The following ZFP64 variants were observed in gnomAD, a reference collection of about 807,000 sequenced individuals.
The protein encoded by ZFP64 is ZFP64 zinc finger protein.
In ZFP64, 14 loss-of-function variants were observed where a neutral mutation model predicts 51.6. The ratio of observed to expected loss-of-function variants is 0.27; its 90% CI spans 0.18 to 0.42. ZFP64 has a LOEUF of 0.42. Among genes scored for constraint, ZFP64 ranks in the 10% least tolerant of loss-of-function variants. ZFP64 has a pLI of 1.00. For missense variants in ZFP64, 754 were observed against 906.8 expected, an observed-to-expected ratio of 0.83 and a Z score of 2.16; for synonymous variants, 375 against 361.4, an observed-to-expected ratio of 1.04 and a Z score of -0.43.
At chr20:52,115,104 T>C (rs1978792549) in intron 5 of ZFP64, among the ~76,000 whole-genome samples, 1 of 149,222 alleles carries the variant, frequency 6.7e-6, no homozygotes, top group African/African-American at 2.5e-5. Flanking sequence ...ACTGGGAGGC[T>C]GAGGCAGGAG....
downstream of ZFP64, among the ~76,000 whole-genome samples, chr20:52,151,066 T>C (rs1304193922): frequency 6.6e-6 from 1 of 152,222 alleles, no homozygotes; most frequent in East Asian, 1.9e-4. Flanking sequence ...ATTGTCAGTC[T>C]GAAGTTTCAA....
At chr20:52,175,875 C>CAAAAA in intron 2 of ZFP64, 11 of 965,602 alleles carry the variant, frequency 1.1e-5, no homozygotes, top group Non-Finnish European at 1.4e-5. Flanking sequence ...CCCCCGCCCC[C>CAAAAA]AAAATAATTC....
intron 7 of ZFP64, among the ~76,000 whole-genome samples, chr20:52,091,699 T>C (rs2078928888): frequency 2.0e-5 from 3 of 151,552 alleles, no homozygotes; most frequent in Admixed American, 6.6e-5. Context: ...TCAAAACCTA[T>C]GGCCGTGGCT....
At chr20:52,098,051 G>A (rs1435132686) in intron 6 of ZFP64, among the ~76,000 whole-genome samples, 2 of 151,596 alleles carry the variant, frequency 1.3e-5, no homozygotes, top group Non-Finnish European at 2.9e-5. Flanking sequence ...CCTTAACAGA[G>A]CAAGACCTTG....
Position 52,153,203 on chromosome 20 carries a change from A to C in ZFP64, c.989T>G (p.Leu330Arg). The C allele has an allele frequency of 6.2e-7, 1 of 1,614,166 alleles. No homozygotes were observed. Among genetic ancestry groups the C allele is most frequent in the East Asian group, 2.2e-5 (1 of 44,876 alleles). ...CTGGTGCACGCGGCTGTGCTTCCGG[A>C]GGGTGGCTTTGCTGTCACCCAGGAA... The part of the protein sequence containing the change: ...CDFLGDSKAT[L>R]RKHSRVHQSE... The change falls in exon 6 of 6, where the codon CTC (leucine) becomes CGC (arginine). Residue 330 changes from leucine to arginine, a missense_variant. By Grantham distance (102) the Leu-to-Arg change is moderately radical. This residue lies in a region of ZFP64 where 428 missense variants were observed against 472.4 expected (regional missense o/e 0.91). Coordinates refer to ENST00000216923, the MANE Select transcript of ZFP64 (RefSeq NM_018197.3). This position sits in a 1 kb window ranked among gnomAD's most constrained non-coding sequence, Gnocchi z 5.1.
chr20:52,094,767 A>C (rs565186938), intron 7 of ZFP64, among the ~76,000 whole-genome samples: 1 of 152,260 alleles, frequency 6.6e-6, no homozygotes, highest in African/African-American at 2.4e-5. Flanking sequence ...ATAAATAATA[A>C]AAAGGAAAAT....
Position 52,088,743 on chromosome 20 carries a change from C to T in ZFP64, c.977-100G>A, listed in dbSNP as rs2078890558. 6.8e-6 allele frequency: 10 copies of T among 1,472,604 alleles called. No individual in the cohort carries two copies. The South Asian group carries it at 7.1e-5, about 10-fold the overall frequency. The allele number at this position is 1,472,604 out of a possible 1,614,324, so 91.2% of individuals were successfully genotyped here. A position where few individuals can be genotyped will look rare whatever the true frequency, so the allele number is the denominator to read the frequency against. ...CCTGGGCATATGGGTGTGCCGCCTC[C>T]TCCTGTCCAAATACTGAGAGAGAAA... On this transcript the variant is annotated intron_variant, in intron 7 of 8. Coordinates refer to the ZFP64 transcript ENST00000361387.
At chr20:52,147,985 A>G (rs950579984), downstream of ZFP64, among the ~76,000 whole-genome samples, 7 of 152,178 alleles carry the variant, frequency 4.6e-5, no homozygotes, top group Non-Finnish European at 8.8e-5. Flanking sequence ...TGGGTGGAAG[A>G]CTTAATATTT....
chr20:52,151,992 G>C lies in ZFP64; in HGVS notation c.*154C>G. The C allele has an allele frequency of 7.1e-7, 1 of 1,412,536 alleles. No homozygotes were observed. Among genetic ancestry groups the C allele is most frequent in the Non-Finnish European group, 9.3e-7 (1 of 1,080,056 alleles). The allele number at this position is 1,412,536 out of a possible 1,614,324, so 87.5% of individuals were successfully genotyped here. A position where few individuals can be genotyped will look rare whatever the true frequency, so the allele number is the denominator to read the frequency against. ...GCGGACGTTGCAGTGAGCCAAGATAGCGCCACTGCACTCCAGCCTGGGAAA... is the reference window on the plus strand; with the variant it reads ...GCGGACGTTGCAGTGAGCCAAGATACCGCCACTGCACTCCAGCCTGGGAAA... On this transcript the variant is annotated 3_prime_UTR_variant, in exon 6 of 6. Transcript: ENST00000216923.
rs960036546 is a variant in ZFP64 at position 52,186,702 on chromosome 20, T to A, written c.286+130A>T. The A allele has an allele frequency of 6.1e-6, 8 of 1,306,892 alleles. No individual in the cohort carries two copies. The Admixed American group carries it at 2.2e-4, about 35-fold the overall frequency. 81.0% of individuals were successfully genotyped at this position (1,306,892 alleles called of 1,614,324 possible). A position where few individuals can be genotyped will look rare whatever the true frequency, so the allele number is the denominator to read the frequency against. ...TGGGCAGCTGGCTTCCTGGTGGAGCTTGTTAAAAATAATGAATCAGCAACC... is the reference window on the plus strand; with the variant it reads ...TGGGCAGCTGGCTTCCTGGTGGAGCATGTTAAAAATAATGAATCAGCAACC... On this transcript the variant is annotated intron_variant, in intron 2 of 5. Coordinates refer to ENST00000216923, the MANE Select transcript of ZFP64 (RefSeq NM_018197.3).
rs1041848669 is a variant in ZFP64 at position 52,172,460 on chromosome 20, C to T, written c.287-6435G>A. On this transcript the variant is annotated intron_variant, in intron 2 of 5. Transcript: ENST00000216923. Reference sequence around the variant, plus strand: ...TCTTGAGAATTCTCAGTGGACATTACGGTAACTATGCATAATAGGTTATTA... The same window carrying T: ...TCTTGAGAATTCTCAGTGGACATTATGGTAACTATGCATAATAGGTTATTA... 2.7e-4 allele frequency among the ~76,000 whole-genome samples: 41 copies of T among 151,984 alleles called. 1 individual carries two copies. Among genetic ancestry groups the T allele is most frequent in the Non-Finnish European group, 8.8e-5 (6 of 68,010 alleles).
At position 52,108,174 on chromosome 20, in the gene ZFP64, G is replaced by T. The variant is rs186156859; in HGVS notation, c.764-9587C>A. Among the ~76,000 whole-genome samples, 456 of 152,260 alleles carry T rather than the reference G, an allele frequency of 3.0e-3. 2 individuals are homozygous for T. Among genetic ancestry groups the T allele is most frequent in the African/African-American group, 0.011 (444 of 41,542 alleles). ...TTGGAAGCTGAGGCAGTGAGTCATGGTTGCGCCACTGCACTCCAGCCTGGG... is the reference window on the plus strand; with the variant it reads ...TTGGAAGCTGAGGCAGTGAGTCATGTTTGCGCCACTGCACTCCAGCCTGGG... On this transcript the variant is annotated intron_variant, in intron 5 of 8. Transcript: ENST00000361387.
chr20:52,104,844 G>C (rs542714517), intron 5 of ZFP64: 2 of 645,942 alleles, frequency 3.1e-6, no homozygotes, highest in Admixed American at 2.0e-5. Flanking sequence ...AGCCTCTGAG[G>C]GGTCCTCTGA....
chr20:52,141,152 T>G (rs190361732), intron 5 of ZFP64, among the ~76,000 whole-genome samples: 1 of 152,296 alleles, frequency 6.6e-6, no homozygotes, highest in Non-Finnish European at 1.5e-5. Context: ...ACCCAAGAGC[T>G]CTGATGGAGA....
intron 6 of ZFP64, chr20:52,097,495 C>T: frequency 7.9e-6 from 12 of 1,513,248 alleles, no homozygotes; most frequent in Non-Finnish European, 1.1e-5. Context: ...TGCTCTGTCG[C>T]CCAGGCTGGA....
At position 52,160,172 on chromosome 20, in the gene ZFP64, G is replaced by A. The variant is rs746283591; in HGVS notation, c.714C>T (p.Tyr238=). The change falls in exon 5 of 6, where the codon TAC becomes TAT. Residue 238 remains tyrosine (Y), a synonymous_variant. Coordinates refer to ENST00000216923, the MANE Select transcript of ZFP64 (RefSeq NM_018197.3). The surrounding 1 kb of genome is among the most constrained non-coding windows in gnomAD (Gnocchi z 4.2). ...ERPFKCQICP[Y]ASRNSSQLTV... is the part of the protein sequence containing the mutation. Reference sequence around the variant, plus strand: ...TGAGCTGGCTGGAGTTGCGGCTGGCGTAGGGGCAGATCTGGCATTTGAAGG... The same window carrying A: ...TGAGCTGGCTGGAGTTGCGGCTGGCATAGGGGCAGATCTGGCATTTGAAGG... 4.2e-5 allele frequency: 68 copies of A among 1,614,072 alleles called. No homozygotes were observed. Among genetic ancestry groups the A allele is most frequent in the African/African-American group, 1.7e-4 (13 of 74,924 alleles).
intron 1 of ZFP64, among the ~76,000 whole-genome samples, chr20:52,188,027 G>C (rs556022473): frequency 1.3e-3 from 191 of 152,262 alleles, no homozygotes; most frequent in Middle Eastern, 6.8e-3. Flanking sequence ...TCTGGGAAAA[G>C]TTTGGCATTT....
rs753323030 is a variant in ZFP64 at position 52,152,539 on chromosome 20, G to A, written c.1653C>T (p.Pro551=). 3 of 1,587,320 alleles carry A rather than the reference G, an allele frequency of 1.9e-6. No individual in the cohort carries two copies. Among genetic ancestry groups the A allele is most frequent in the African/African-American group, 2.7e-5 (2 of 74,766 alleles). ...CGCTCGGACACCGCGAGGACTGAGG[G>A]GGGGCGATCAGACTGACCTGGCGCA... is the stretch of plus-strand genomic sequence containing the variant. ...QILRQVSLIA[P]PQSSRCPSEA... Residue 551 remains proline, a synonymous_variant, in exon 6 of 6, where the codon CCC becomes CCT. Coordinates refer to ENST00000216923, the MANE Select transcript of ZFP64 (RefSeq NM_018197.3).
intron 7 of ZFP64, among the ~76,000 whole-genome samples, chr20:52,092,463 A>G (rs2078938514): frequency 6.6e-6 from 1 of 152,260 alleles, no homozygotes; most frequent in Non-Finnish European, 1.5e-5. Context: ...AATCGTGACT[A>G]TTAAGTAGAA....
Sources: gnomAD v4.1 joint callset for allele counts (sites outside exome capture counted in the v4.1 genomes callset) on GRCh38, gnomAD v4.1.1 for gene constraint, gnomAD v4.1.1 regional missense constraint, Gnocchi (gnomAD v3.1) non-coding constraint, MANE v1.5 for transcripts, NCBI Gene and HGNC (gene_info 2026-07-23, HGNC 2026-07-21) for gene names.